Variants in CNTN6 observed in about 807,000 individuals in gnomAD.
CNTN6 encodes contactin-6.
CNTN6 carries 137 observed loss-of-function variants against 122.8 expected under a neutral mutation model. That is an observed-to-expected ratio of 1.12 (90% CI 0.97 to 1.29). The LOEUF (loss-of-function observed/expected upper bound fraction) is 1.29. Ranked by LOEUF, CNTN6 falls within the 50% of genes most tolerant of loss-of-function variation. The pLI is 0.00. For missense variants in CNTN6, 1,634 were observed against 1,223.4 expected, an observed-to-expected ratio of 1.34 and a Z score of -5.01; for synonymous variants, 570 against 426.0, an observed-to-expected ratio of 1.34 and a Z score of -4.16.
chr3:1,098,789 C>CACACATATATATATATATATAT (rs1211008614), intron 1 of CNTN6, among the ~76,000 whole-genome samples: 19 of 63,244 alleles, frequency 3.0e-4, no homozygotes, highest in Non-Finnish European at 4.6e-4. Flanking sequence ...CACACACACA[C>CACACATATATATATATATATAT]ATATATATAT....
intron 17 of CNTN6, among the ~76,000 whole-genome samples, chr3:1,379,435 G>C (rs1011361724): frequency 6.6e-6 from 1 of 152,112 alleles, no homozygotes; most frequent in Admixed American, 6.6e-5. Context: ...GAGAGGAAGG[G>C]CGAGGGTTGA....
At chr3:1,142,843 C>T (rs9858695) in intron 1 of CNTN6, among the ~76,000 whole-genome samples, 1,716 of 151,466 alleles carry the variant, frequency 0.011, 35 homozygotes, top group African/African-American at 0.039. Flanking sequence ...GGTACGAATT[C>T]GTATGTATTT....
intron 4 of CNTN6, among the ~76,000 whole-genome samples, chr3:1,275,178 C>G (rs891503936): frequency 1.3e-5 from 2 of 152,142 alleles, no homozygotes; most frequent in Non-Finnish European, 2.9e-5. Flanking sequence ...AATCGTCAGT[C>G]TCTTTCCTTA....
At chr3:1,360,938 T>G (rs79646224) in intron 12 of CNTN6, among the ~76,000 whole-genome samples, 2 of 152,104 alleles carry the variant, frequency 1.3e-5, no homozygotes, top group African/African-American at 4.8e-5. Context: ...TTCTTTCATT[T>G]AAACCCCATA....
Position 1,333,986 on chromosome 3 carries a change from C to G in CNTN6, c.1364+4051C>G, listed in dbSNP as rs558666594. 3.9e-5 allele frequency among the ~76,000 whole-genome samples: 6 copies of G among 152,202 alleles called. No individual in the cohort carries two copies. In the South Asian group the frequency reaches 6.2e-4, roughly 16 times the overall value. On this transcript the variant is annotated intron_variant, in intron 11 of 22. Coordinates refer to ENST00000446702, the MANE Select transcript of CNTN6 (RefSeq NM_001289080.2). The stretch of plus-strand genomic sequence containing the variant: ...TGATAATTCAGATTAAGTTACATTT[C>G]TCAATACAGTGAACATGTTTCTTAT...
intron 4 of CNTN6, among the ~76,000 whole-genome samples, chr3:1,238,437 T>C (rs1182610475): frequency 6.6e-6 from 1 of 152,150 alleles, no homozygotes; most frequent in Admixed American, 6.5e-5. Context: ...CCCAAATTTA[T>C]AAAACAATTA....
In CNTN6 at chr3:1,383,023, A is replaced by G; in HGVS notation, c.2248A>G (p.Lys750Glu). ...FRPVGSTTWS[K>E]EKVSSVESSR... Reference sequence around the variant, plus strand: ...GCCAGTGGGCTCGACAACCTGGTCCAAGGAGAAAGTGTCATCTGTGGAATC... The same window carrying G: ...GCCAGTGGGCTCGACAACCTGGTCCGAGGAGAAAGTGTCATCTGTGGAATC... The change falls in exon 18 of 23, where the codon AAG becomes GAG. Residue 750 changes from lysine (K) to glutamate (E), a missense_variant. Transcript: ENST00000446702. 1 of 1,614,120 alleles carries G rather than the reference A, an allele frequency of 6.2e-7. No individual in the cohort carries two copies.
chr3:1,395,711 G>A (rs1264859005), intron 20 of CNTN6, among the ~76,000 whole-genome samples: 3 of 152,140 alleles, frequency 2.0e-5, no homozygotes, highest in African/African-American at 7.2e-5. Context: ...ACAGGTACTG[G>A]AGATTAGGAT....
At chr3:1,402,231 T>A (rs1695808156) in intron 21 of CNTN6, 87 bp from the exon 22 acceptor site, 3 of 979,344 alleles carry the variant, frequency 3.1e-6, no homozygotes, top group Non-Finnish European at 4.5e-6. Context: ...TGATGATGTA[T>A]CTTATGTCTT....
intron 7 of CNTN6, among the ~76,000 whole-genome samples, chr3:1,313,331 G>A (rs190155003): frequency 4.8e-4 from 73 of 152,214 alleles, no homozygotes; most frequent in Admixed American, 1.0e-3. Flanking sequence ...AAAAGGAGTA[G>A]AAATTGGTAG....
intron 2 of CNTN6, among the ~76,000 whole-genome samples, chr3:1,190,621 C>G (rs1483898852): frequency 1.3e-5 from 2 of 152,070 alleles, no homozygotes; most frequent in African/African-American, 4.8e-5. Flanking sequence ...TTGGGAAAAT[C>G]CTTAATCACA....
chr3:1,353,068 T>C (rs1048774329), intron 12 of CNTN6, among the ~76,000 whole-genome samples: 3 of 151,774 alleles, frequency 2.0e-5, no homozygotes, highest in Non-Finnish European at 2.9e-5. Context: ...CAAATGTTCC[T>C]ACATTTATCA....
intron 1 of CNTN6, among the ~76,000 whole-genome samples, chr3:1,122,366 G>GGAA (rs1476095236): frequency 1.4e-5 from 2 of 139,074 alleles, no homozygotes; most frequent in Non-Finnish European, 3.0e-5. Flanking sequence ...GAAGGAGGAA[G>GGAA]GAAGGAAGGA....
At chr3:1,249,655 A>C (rs903773896) in intron 4 of CNTN6, among the ~76,000 whole-genome samples, 1 of 152,196 alleles carries the variant, frequency 6.6e-6, no homozygotes, top group Non-Finnish European at 1.5e-5. Flanking sequence ...TGAGAGATCT[A>C]CTTTCACATA....
intron 1 of CNTN6, among the ~76,000 whole-genome samples, chr3:1,127,088 T>A (rs114140971): frequency 0.014 from 2,159 of 151,658 alleles, 54 homozygotes; most frequent in African/African-American, 0.049. Flanking sequence ...ATTTTATATG[T>A]GCTATATATA....
rs773080572 is a variant in CNTN6 at position 1,295,712 on chromosome 3, C to A, written c.566C>A (p.Ser189Ter). 1 of 1,614,042 alleles carries A rather than the reference C, an allele frequency of 6.2e-7. No individual in the cohort carries two copies. The highest frequency in any genetic ancestry group is 8.5e-7 in the Non-Finnish European group (1 of 1,179,938). Residue 189 changes from serine (S) to a stop codon, truncating the protein, a stop_gained, in exon 6 of 23, where the codon TCA (serine) becomes TAA (stop). Coordinates refer to ENST00000446702, the MANE Select transcript of CNTN6 (RefSeq NM_001289080.2). LOFTEE classifies it high-confidence loss of function. ...TTGTACATTGCCAAAGTGGAACCAT[C>A]AGATGTGGGCAACTACACTTGCTTT... ...GNLYIAKVEP[S>*]DVGNYTCFIT...
At chr3:1,278,702 A>G (rs6805735) in intron 5 of CNTN6, among the ~76,000 whole-genome samples, 194 bp downstream of exon 5, 16,740 of 152,220 alleles carry the variant, frequency 0.11, 1,584 homozygotes, top group African/African-American at 0.25. Context: ...AAGCAGCCAC[A>G]CAGCAAATAT....
intron 4 of CNTN6, among the ~76,000 whole-genome samples, chr3:1,273,807 A>G (rs1691818702): frequency 6.6e-6 from 1 of 152,202 alleles, no homozygotes; most frequent in East Asian, 1.9e-4. Flanking sequence ...CAGAGAAATT[A>G]TGTCACAAGC....
Position 1,369,840 on chromosome 3 carries a change from G to A in CNTN6, c.1493-2459G>A, listed in dbSNP as rs138420195. On this transcript the variant is annotated intron_variant, in intron 12 of 22. Transcript: ENST00000446702. ...TTCTAAAAAATTTTCTTGGATCCCT[G>A]GATATCTTTTTTTTTTTTAAGGTTC... Among the ~76,000 whole-genome samples the A allele has an allele frequency of 6.6e-4, 98 of 149,492 alleles. No homozygotes were observed. In the East Asian group the frequency reaches 0.018, roughly 28 times the overall value.
Sources: gnomAD v4.1 joint callset for allele counts (sites outside exome capture counted in the v4.1 genomes callset) on GRCh38, gnomAD v4.1.1 for gene constraint, MANE v1.5 for transcripts, NCBI Gene and HGNC (gene_info 2026-07-23, HGNC 2026-07-21) for gene names.